Variants in ZNF385C observed in about 807,000 individuals in gnomAD.
ZNF385C encodes the protein zinc finger protein 385C, also known as CTD-2132N18.2.
In ZNF385C, 28 loss-of-function variants were observed where a neutral mutation model predicts 35.4. The observed-to-expected ratio is 0.79, with a 90% CI of 0.59 to 1.08. ZNF385C has a LOEUF of 1.08. ZNF385C is among the 50% of genes least tolerant of loss of function. The pLI is 0.00. For synonymous variants in ZNF385C, 248 were observed against 248.2 expected (o/e 1.00, Z 0.01); for missense variants, 605 against 595.6 (o/e 1.02, Z -0.16).
At position 42,046,478 on chromosome 17, in the gene ZNF385C, T is replaced by C. The variant is rs186541317; in HGVS notation, c.251-8593A>G. Reference sequence around the variant, plus strand: ...AGCTGGGCATGGTGGTGTATGCCTGTAGTCCCAGCTACTCAGGAGGCTGAG... The same window carrying C: ...AGCTGGGCATGGTGGTGTATGCCTGCAGTCCCAGCTACTCAGGAGGCTGAG... On this transcript the variant is annotated intron_variant, in intron 2 of 8. Transcript: ENST00000692273. 1.5e-3 allele frequency among the ~76,000 whole-genome samples: 227 copies of C among 152,176 alleles called. 1 individual carries two copies. The highest frequency in any genetic ancestry group is 4.1e-3 in the South Asian group (20 of 4,824).
At chr17:42,090,479 T>G (rs1226297116) in intron 1 of ZNF385C, among the ~76,000 whole-genome samples, 2 of 151,314 alleles carry the variant, frequency 1.3e-5, no homozygotes, top group Non-Finnish European at 3.0e-5. Flanking sequence ...GTGATGGGTT[T>G]TCACCATGTT....
intron 1 of ZNF385C, among the ~76,000 whole-genome samples, chr17:42,085,257 C>A (rs1267558402): frequency 6.6e-6 from 1 of 151,966 alleles, no homozygotes; most frequent in Non-Finnish European, 1.5e-5. Flanking sequence ...CATATGGAGA[C>A]CCTGTCTGCA....
intron 3 of ZNF385C, among the ~76,000 whole-genome samples, chr17:42,035,542 CTTTTT>C (rs67173303): frequency 1.6e-4 from 17 of 105,598 alleles, no homozygotes; most frequent in Non-Finnish European, 2.2e-4. Context: ...TGCTGACGAC[CTTTTT>C]TTTTTTTTTT....
intron 1 of ZNF385C, among the ~76,000 whole-genome samples, chr17:42,088,259 G>A (rs1421630395): frequency 6.6e-6 from 1 of 152,218 alleles, no homozygotes; most frequent in Non-Finnish European, 1.5e-5. Context: ...GACCCGGAGA[G>A]GAAGAGACTT....
rs782087247 is a variant in ZNF385C, at chr17:42,028,877, C to G, written c.873G>C (p.Met291Ile). 1 of 1,550,620 alleles carries G rather than the reference C, an allele frequency of 6.4e-7. No homozygotes were observed. Among genetic ancestry groups the G allele is most frequent in the Non-Finnish European group, 8.7e-7 (1 of 1,146,996 alleles). Residue 291 changes from methionine to isoleucine, a missense_variant, in exon 6 of 9, where the codon ATG becomes ATC. Physicochemically the swap from Met to Ile is conservative, Grantham distance 10 (BLOSUM62 1). Transcript: ENST00000692273. Reference sequence around the variant, plus strand: ...CCTTCTCACTCCTGCCTTCCCCACTCATGCTGCTTCCCACGGCAGCTGCCG... The same window carrying G: ...CCTTCTCACTCCTGCCTTCCCCACTGATGCTGCTTCCCACGGCAGCTGCCG... ...EPAAAAVGSS[M>I]SGEGRSEKGH... is the part of the protein sequence containing the mutation.
intron 2 of ZNF385C, among the ~76,000 whole-genome samples, chr17:42,047,829 A>G (rs1414336342): frequency 6.6e-6 from 1 of 151,292 alleles, no homozygotes; most frequent in Non-Finnish European, 1.5e-5. Flanking sequence ...AATTTTTTGT[A>G]TTTTTAGTAG....
intron 2 of ZNF385C, among the ~76,000 whole-genome samples, chr17:42,052,142 A>AGGGTG (rs1224567176): frequency 2.6e-5 from 4 of 152,226 alleles, no homozygotes; most frequent in Middle Eastern, 3.4e-3. Context: ...CTGCCTCAAG[A>AGGGTG]GGGTGGGGTG....
rs782618904 is a variant in ZNF385C, at chr17:42,028,201, C to T, written c.1013G>A (p.Arg338Gln). 70 of 1,572,080 alleles carry T rather than the reference C, an allele frequency of 4.5e-5. No homozygotes were observed. In the Admixed American group the frequency reaches 9.1e-4, roughly 20 times the overall value. Residue 338 changes from arginine to glutamine, a missense_variant, in exon 7 of 9, where the codon CGG becomes CAG. Coordinates refer to ENST00000692273, the MANE Select transcript of ZNF385C (RefSeq NM_001392013.1). ...GGACACCGGGCGGCCCCGGCTCCTC[C>T]GGGGAGCCCCTCGCTGACCTTCCAT... is the stretch of plus-strand genomic sequence containing the variant. The part of the protein sequence containing the change: ...WMMEGQRGAP[R>Q]RSRGRPVSRG...
At chr17:42,057,118 G>A (rs546814663) in intron 2 of ZNF385C, among the ~76,000 whole-genome samples, 1 of 152,158 alleles carries the variant, frequency 6.6e-6, no homozygotes, top group Non-Finnish European at 1.5e-5. Context: ...CTGGGCAACA[G>A]AACAAGACGT....
At chr17:42,057,797 G>A (rs1331958579) in intron 2 of ZNF385C, among the ~76,000 whole-genome samples, 1 of 152,016 alleles carries the variant, frequency 6.6e-6, no homozygotes, top group Non-Finnish European at 1.5e-5. Context: ...TACAATATTA[G>A]CCGGGCATGG....
Position 42,027,041 on chromosome 17 carries a change from A to G in ZNF385C, c.1368T>C (p.Ala456=). The G allele has an allele frequency of 3.1e-6, 5 of 1,608,644 alleles. No homozygotes were observed. The highest frequency in any genetic ancestry group is 4.2e-6 in the Non-Finnish European group (5 of 1,177,456). Residue 456 remains alanine (A), a synonymous_variant, in exon 9 of 9, where the codon GCT becomes GCC. Transcript: ENST00000692273. ...PLPTAATAIC[A]LPGPLALRPA... is the part of the protein sequence containing the mutation. Reference sequence around the variant, plus strand: ...GGCGGAGGGCCAGGGGCCCTGGCAGAGCACAGATGGCAGTGGCTGCGGTGG... The same window carrying G: ...GGCGGAGGGCCAGGGGCCCTGGCAGGGCACAGATGGCAGTGGCTGCGGTGG...
chr17:42,044,672 A>C (rs1326204867), intron 2 of ZNF385C, among the ~76,000 whole-genome samples: 3 of 152,036 alleles, frequency 2.0e-5, no homozygotes, highest in Admixed American at 2.0e-4. Flanking sequence ...TTTCCAAGAC[A>C]CAGGAAGATT....
chr17:42,028,022 A>G, intron 7 of ZNF385C, 28 bp downstream of exon 7: 2 of 1,611,118 alleles, frequency 1.2e-6, no homozygotes, highest in Non-Finnish European at 1.7e-6. Context: ...CCTGGCTCCA[A>G]CCCCAGTCAC....
At chr17:42,092,284 C>T (rs1421783140) in intron 1 of ZNF385C, among the ~76,000 whole-genome samples, 1 of 152,000 alleles carries the variant, frequency 6.6e-6, no homozygotes, top group East Asian at 1.9e-4. Flanking sequence ...GCCTGTAATC[C>T]CAGCTACTCA....
chr17:42,066,454 G>A (rs780871936), intron 1 of ZNF385C, among the ~76,000 whole-genome samples: 42 of 152,260 alleles, frequency 2.8e-4, no homozygotes, highest in Non-Finnish European at 5.0e-4. Context: ...CTGGGTCACT[G>A]CAAATGTCTG....
chr17:42,027,862 G>T, intron 7 of ZNF385C, 134 bp from the exon 8 acceptor site: 1 of 1,217,342 alleles, frequency 8.2e-7, no homozygotes, highest in Non-Finnish European at 1.2e-6. Flanking sequence ...CTCACCCTGG[G>T]GTAGGCCCTG....
rs371494708 is a variant in ZNF385C at position 42,026,711 on chromosome 17, C to T, written c.*186G>A. The stretch of plus-strand genomic sequence containing the variant: ...CCTAGGATTAACCCTGGAAGGCCTG[C>T]GAAAGGAGGGTGGGGACAGTCCTTG... On this transcript the variant is annotated 3_prime_UTR_variant, in exon 9 of 9. Coordinates refer to ENST00000692273, the MANE Select transcript of ZNF385C (RefSeq NM_001392013.1). 49 of 647,594 alleles carry T rather than the reference C, an allele frequency of 7.6e-5. No individual in the cohort carries two copies. Among genetic ancestry groups the T allele is most frequent in the East Asian group, 1.9e-4 (7 of 36,376 alleles). 40.1% of individuals were successfully genotyped at this position (647,594 alleles called of 1,614,324 possible). A position where few individuals can be genotyped will look rare whatever the true frequency, so the allele number is the denominator to read the frequency against.
Position 42,031,614 on chromosome 17 carries a change from C to G in ZNF385C, c.676+5G>C. The G allele has an allele frequency of 1.3e-6, 2 of 1,549,686 alleles. No individual in the cohort carries two copies. The highest frequency in any genetic ancestry group is 4.9e-5 in the East Asian group (2 of 40,890). Reference sequence around the variant, plus strand: ...ACGTGGGAAAGAGAAGAGCTCAGGACTGACCTTTACTCTGTGGCTCTCCAG... The same window carrying G: ...ACGTGGGAAAGAGAAGAGCTCAGGAGTGACCTTTACTCTGTGGCTCTCCAG... On this transcript the variant is annotated splice_donor_5th_base_variant and intron_variant, in intron 5 of 8. Coordinates refer to ENST00000692273, the MANE Select transcript of ZNF385C (RefSeq NM_001392013.1).
intron 5 of ZNF385C, among the ~76,000 whole-genome samples, chr17:42,030,256 G>A (rs995818445): frequency 3.3e-5 from 5 of 152,114 alleles, no homozygotes; most frequent in South Asian, 2.1e-4. Context: ...TTGGGAGGCC[G>A]AGGTGGGTGG....
Sources: gnomAD v4.1 joint callset for allele counts (sites outside exome capture counted in the v4.1 genomes callset) on GRCh38, gnomAD v4.1.1 for gene constraint, MANE v1.5 for transcripts, NCBI Gene and HGNC (gene_info 2026-07-23, HGNC 2026-07-21) for gene names.